The following STOX1 variants were observed in gnomAD, a reference collection of about 807,000 sequenced individuals.
STOX1 encodes the protein storkhead-box protein 1.
Under a neutral mutation model 74.8 loss-of-function variants are expected in STOX1, and 57 were observed. The ratio of observed to expected loss-of-function variants is 0.76; its 90% confidence interval spans 0.62 to 0.95. The LOEUF (loss-of-function observed/expected upper bound fraction) is 0.95. Ranked by LOEUF, STOX1 falls within the 40% of genes least tolerant of loss-of-function variation. The pLI, the probability that STOX1 is intolerant of heterozygous loss-of-function variation, is 0.00. For missense variants in STOX1, 1,010 were observed against 1,117.0 expected, an observed-to-expected ratio of 0.90 and a Z score of 1.37; for synonymous variants, 375 against 401.3, an observed-to-expected ratio of 0.93 and a Z score of 0.78.
At chr10:68,844,294 C>CTTTTT (rs777175392) in intron 1 of STOX1, among the ~76,000 whole-genome samples, 47 of 104,682 alleles carry the variant, frequency 4.5e-4, no homozygotes, top group Non-Finnish European at 6.5e-4. Flanking sequence ...TCTGGATCTT[C>CTTTTT]TTTTTTTTTT....
rs73266500 is a variant in STOX1 at position 68,884,359 on chromosome 10, C to A, written c.563C>A (p.Thr188Asn). 2.2e-3 allele frequency: 3,572 copies of A among 1,614,098 alleles called. 70 individuals carry two copies. In the African/African-American group the frequency reaches 0.04, roughly 18 times the overall value. ...YHTGEGYFIV[T>N]PQTYFITNTT... ...ACTGGAGAAGGATACTTCATAGTTA[C>A]TCCTCAGACTTACTTCATTACAAAT... The change falls in exon 3 of 4, where the codon ACT (threonine) becomes AAT (asparagine). Residue 188 changes from threonine to asparagine, a missense_variant. Physicochemically the swap from Thr to Asn is moderately conservative, Grantham distance 65. Transcript: ENST00000298596.
At chr10:68,846,668 C>A (rs551096438) in intron 1 of STOX1, 2 of 152,256 alleles carry the variant, frequency 1.3e-5, no homozygotes, top group Admixed American at 6.5e-5. Context: ...GTATAGAAGT[C>A]AGATATTCTG....
chr10:68,880,379 G>A (rs1296154693), intron 1 of STOX1, among the ~76,000 whole-genome samples: 2 of 151,852 alleles, frequency 1.3e-5, no homozygotes, highest in Admixed American at 6.6e-5. Flanking sequence ...ATTGGATCTC[G>A]CTATGTTGCT....
chr10:68,869,638 TC>T (rs1840491552), intron 1 of STOX1, among the ~76,000 whole-genome samples: 1 of 152,104 alleles, frequency 6.6e-6, no homozygotes. Flanking sequence ...TGGAGGGAAG[TC>T]ACAGCTGAAG....
At chr10:68,876,119 AATATATATATATATAT>A (rs56325624) in intron 1 of STOX1, among the ~76,000 whole-genome samples, 105,019 of 135,596 alleles carry the variant, frequency 0.77, 41,087 homozygotes, top group East Asian at 0.95. Context: ...TCTTTACCAG[AATATATATATATATAT>A]ATATATATAT....
At chr10:68,888,495 C>T (rs1841019892) in intron 3 of STOX1, among the ~76,000 whole-genome samples, 1 of 152,122 alleles carries the variant, frequency 6.6e-6, no homozygotes, top group African/African-American at 2.4e-5. Context: ...ATTTTGTCTA[C>T]TGGGCTCGTA....
At chr10:68,873,665 T>C (rs2066288) in intron 1 of STOX1, among the ~76,000 whole-genome samples, 75,476 of 129,078 alleles carry the variant, frequency 0.58, 20,200 homozygotes, top group East Asian at 0.8. Context: ...TTTTTTTTTT[T>C]CTTTTTTTTG....
At chr10:68,867,665 C>G (rs1840443325) in intron 1 of STOX1, among the ~76,000 whole-genome samples, 1 of 152,234 alleles carries the variant, frequency 6.6e-6, no homozygotes, top group Admixed American at 6.5e-5. Context: ...TTATCACACT[C>G]CTCTCCTTCA....
At position 68,886,489 on chromosome 10, in the gene STOX1, C is replaced by A. The variant is rs1369456203; in HGVS notation, c.2693C>A (p.Pro898Gln). ...AATCAGGAAATGAGAAAACATTTCC[C>A]ACAAAAGTTCCAACTTTTCAACACT... ...PQNQEMRKHF[P>Q]QKFQLFNTSH... Residue 898 changes from proline (P) to glutamine (Q), a missense_variant, in exon 3 of 4, where the codon CCA becomes CAA. Physicochemically the swap from Pro to Gln is moderately conservative, Grantham distance 76. Transcript: ENST00000298596. 1 of 1,613,918 alleles carries A rather than the reference C, an allele frequency of 6.2e-7. No homozygotes were observed. The highest frequency in any genetic ancestry group is 8.5e-7 in the Non-Finnish European group (1 of 1,179,932).
intron 1 of STOX1, among the ~76,000 whole-genome samples, chr10:68,868,207 G>A (rs1840455871): frequency 6.6e-6 from 1 of 152,240 alleles, no homozygotes; most frequent in Admixed American, 6.5e-5. Flanking sequence ...AGAGTGCAAA[G>A]TGGGATCGGG....
At chr10:68,834,823 C>G (rs1839501742) in intron 1 of STOX1, among the ~76,000 whole-genome samples, 1 of 151,146 alleles carries the variant, frequency 6.6e-6, no homozygotes, top group African/African-American at 2.4e-5. Context: ...CTCCCGGGTT[C>G]AAGCGATTCT....
downstream of STOX1, among the ~76,000 whole-genome samples, chr10:68,893,652 C>T (rs1410363158): frequency 2.0e-5 from 3 of 152,134 alleles, no homozygotes; most frequent in East Asian, 3.9e-4. Context: ...CTCCTGACCT[C>T]GTGATCCACC....
chr10:68,864,556 C>T (rs1175354748), intron 1 of STOX1, among the ~76,000 whole-genome samples: 1 of 152,166 alleles, frequency 6.6e-6, no homozygotes, highest in African/African-American at 2.4e-5. Flanking sequence ...CTGAGTTCTC[C>T]CATTTCCTAT....
intron 1 of STOX1, among the ~76,000 whole-genome samples, chr10:68,864,098 GTAT>G (rs1344940121): frequency 6.6e-6 from 1 of 151,840 alleles, no homozygotes; most frequent in Admixed American, 6.6e-5. Context: ...TAATTTTTTT[GTAT>G]TTTTAGTAGA....
chr10:68,858,911 A>T (rs1489756206), intron 1 of STOX1, among the ~76,000 whole-genome samples: 1 of 152,088 alleles, frequency 6.6e-6, no homozygotes, highest in East Asian at 1.9e-4. Context: ...GTAGCACTAC[A>T]CATGTTTTAT....
intron 1 of STOX1, among the ~76,000 whole-genome samples, chr10:68,851,141 C>T (rs77449938): frequency 0.05 from 7,586 of 150,678 alleles, 237 homozygotes; most frequent in Middle Eastern, 0.13. Context: ...GAGCCTATCT[C>T]CACAAACAAT....
intron 1 of STOX1, chr10:68,828,895 C>T: frequency 1.2e-6 from 1 of 823,028 alleles, no homozygotes; most frequent in Non-Finnish European, 1.5e-6. Flanking sequence ...TGTTAGACAA[C>T]AGCAGCTTTT....
intron 3 of STOX1, among the ~76,000 whole-genome samples, chr10:68,890,364 T>C (rs902960059): frequency 3.3e-5 from 5 of 151,908 alleles, no homozygotes; most frequent in African/African-American, 1.2e-4. Flanking sequence ...GGTCTCACTA[T>C]GTTGTCCAGG....
Position 68,882,051 on chromosome 10 carries a change from C to A in STOX1, c.404C>A (p.Thr135Lys), listed in dbSNP as rs1840825024. 1 of 1,613,422 alleles carries A rather than the reference C, an allele frequency of 6.2e-7. No homozygotes were observed. ...TGCTGTGCTATATCTGATATGAATA[C>A]AGCTCAGATTGTAGTAACGCAGGAA... ...VLCCAISDMN[T>K]AQIVVTQESL... Residue 135 changes from threonine to lysine, a missense_variant, in exon 2 of 4, where the codon ACA becomes AAA. Coordinates refer to ENST00000298596, the MANE Select transcript of STOX1 (RefSeq NM_152709.5).
Sources: allele counts gnomAD v4.1 joint callset (sites outside exome capture counted in the v4.1 genomes callset), GRCh38; gene constraint gnomAD v4.1.1; transcripts MANE v1.5; gene names NCBI Gene and HGNC (gene_info 2026-07-23, HGNC 2026-07-21).